TMEM132B: variants seen among roughly 807,000 people sequenced by gnomAD.
TMEM132B encodes transmembrane protein 132B.
In TMEM132B, 18 loss-of-function variants were observed where a neutral mutation model predicts 90.8. The ratio of observed to expected loss-of-function variants is 0.20; its 90% CI spans 0.14 to 0.29. TMEM132B has a LOEUF of 0.29. Among genes scored for constraint, TMEM132B ranks in the 10% least tolerant of loss-of-function variants. TMEM132B has a pLI of 1.00. For missense variants in TMEM132B, 1,096 were observed against 1,326.8 expected (o/e 0.83, Z 2.70); for synonymous variants, 504 against 523.3 (o/e 0.96, Z 0.50).
At chr12:125,288,369 A>G (rs1043597552) in intron 1 of TMEM132B, among the ~76,000 whole-genome samples, 2 of 149,798 alleles carry the variant, frequency 1.3e-5, no homozygotes, top group African/African-American at 2.4e-5. Flanking sequence ...AGGCTGAGGC[A>G]GGAGAATAGC....
chr12:125,562,412 C>A (rs1884555496), intron 4 of TMEM132B, among the ~76,000 whole-genome samples: 4 of 152,210 alleles, frequency 2.6e-5, no homozygotes, highest in Non-Finnish European at 5.9e-5. Context: ...TTCTGATTCC[C>A]TTCAGAAACT....
intron 5 of TMEM132B, among the ~76,000 whole-genome samples, chr12:125,636,298 G>C (rs1886477350): frequency 1.3e-5 from 2 of 151,420 alleles, no homozygotes; most frequent in Admixed American, 1.3e-4. Context: ...AATTCCTTTA[G>C]TGATTCCTTG....
In TMEM132B at chr12:125,415,770, C is replaced by T. The variant is rs989869130; in HGVS notation, c.1106+93C>T. 19 of 1,459,544 alleles carry T rather than the reference C, an allele frequency of 1.3e-5. No homozygotes were observed. Among genetic ancestry groups the T allele is most frequent in the African/African-American group, 2.8e-5 (2 of 70,558 alleles). 90.4% of individuals were successfully genotyped at this position (1,459,544 alleles called of 1,614,324 possible). On this transcript the variant is annotated intron_variant, in intron 3 of 8. Coordinates refer to ENST00000682704, the MANE Select transcript of TMEM132B (RefSeq NM_001366854.1). The surrounding 1 kb of genome is among the most constrained non-coding windows in gnomAD (Gnocchi z 5.3). ...CAAAATAATGTGCGTGTGGATAAAG[C>T]GATGCCTCTGCGTTTAATGAGAAAT...
chr12:125,245,837 GTGTCCCAGGCT>G (rs547417237), intron 1 of TMEM132B, among the ~76,000 whole-genome samples: 72 of 152,212 alleles, frequency 4.7e-4, no homozygotes, highest in African/African-American at 1.5e-3. Flanking sequence ...ATCCTTGCAG[GTGTCCCAGGCT>G]TGTCCCACTA....
intron 2 of TMEM132B, among the ~76,000 whole-genome samples, chr12:125,361,403 C>G (rs571978372): frequency 3.3e-5 from 5 of 152,264 alleles, no homozygotes; most frequent in African/African-American, 1.2e-4. Context: ...TCCCCCATTT[C>G]AAAGGTTAAT....
intron 1 of TMEM132B, among the ~76,000 whole-genome samples, chr12:125,283,793 G>GTCT (rs1875268381): frequency 6.6e-6 from 1 of 152,244 alleles, no homozygotes; most frequent in African/African-American, 2.4e-5. Flanking sequence ...CTGTTGGTCT[G>GTCT]TCTGCCACTC....
At chr12:125,363,734 TAGAA>T (rs1490412227) in intron 2 of TMEM132B, among the ~76,000 whole-genome samples, 2 of 152,130 alleles carry the variant, frequency 1.3e-5, no homozygotes, top group East Asian at 3.9e-4. Context: ...AACTGAGGCT[TAGAA>T]AGATAAGTGA....
intron 1 of TMEM132B, among the ~76,000 whole-genome samples, chr12:125,208,029 G>C (rs1412178676): frequency 6.6e-5 from 10 of 152,170 alleles, no homozygotes; most frequent in Non-Finnish European, 2.9e-5. Flanking sequence ...TACTGTGTTG[G>C]ACAATGTGGG....
intron 5 of TMEM132B, among the ~76,000 whole-genome samples, chr12:125,628,013 ATAG>A (rs566841721): frequency 9.2e-4 from 140 of 152,332 alleles, no homozygotes; most frequent in Non-Finnish European, 1.6e-3. Context: ...TTATAGCTGA[ATAG>A]TACTCCATTG....
At chr12:125,487,656 G>A (rs367821453) in intron 3 of TMEM132B, among the ~76,000 whole-genome samples, 2 of 152,162 alleles carry the variant, frequency 1.3e-5, no homozygotes, top group Non-Finnish European at 2.9e-5. Flanking sequence ...CATTTCATCC[G>A]TCAGGCTGCA....
At chr12:125,244,908 C>T (rs1244527697) in intron 1 of TMEM132B, among the ~76,000 whole-genome samples, 1 of 152,178 alleles carries the variant, frequency 6.6e-6, no homozygotes, top group Admixed American at 6.5e-5. Context: ...CCTGCCCCCA[C>T]CATCTGCGTG....
intron 4 of TMEM132B, among the ~76,000 whole-genome samples, chr12:125,583,299 G>A (rs987176304): frequency 3.9e-5 from 6 of 152,154 alleles, no homozygotes; most frequent in African/African-American, 1.2e-4. Context: ...GGGTTTGGAG[G>A]GAGATCTCTG....
chr12:125,391,196 G>C (rs1477967956), intron 2 of TMEM132B, among the ~76,000 whole-genome samples: 1 of 152,170 alleles, frequency 6.6e-6, no homozygotes, highest in East Asian at 1.9e-4. Flanking sequence ...AAACTCCTCA[G>C]AGAATGCCTT....
At chr12:125,541,974 G>GAGATC (rs1449906473) in intron 4 of TMEM132B, among the ~76,000 whole-genome samples, 3 of 136,262 alleles carry the variant, frequency 2.2e-5, no homozygotes, top group African/African-American at 8.2e-5. Context: ...GCAGTGAGCT[G>GAGATC]AGATCGCACC....
intron 1 of TMEM132B, among the ~76,000 whole-genome samples, chr12:125,317,171 C>T (rs111406395): frequency 6.6e-6 from 1 of 151,036 alleles, no homozygotes; most frequent in African/African-American, 2.4e-5. Context: ...CTTCCCCTCT[C>T]TGTGCCTCAG....
At position 125,415,159 on chromosome 12, in the gene TMEM132B, A is replaced by T. The variant is rs1879974106; in HGVS notation, c.960-372A>T. On this transcript the variant is annotated intron_variant, in intron 2 of 8. Transcript: ENST00000682704. The surrounding 1 kb of genome is among the most constrained non-coding windows in gnomAD (Gnocchi z 5.3). ...GCACAACCCACCCCGCATCTTAAAG[A>T]CTCTTCTCCATCTCCAGGTGAAGAA... Among the ~76,000 whole-genome samples the T allele has an allele frequency of 6.6e-6, 1 of 151,116 alleles. No homozygotes were observed. Among genetic ancestry groups the T allele is most frequent in the South Asian group, 2.1e-4 (1 of 4,752 alleles).
intron 1 of TMEM132B, among the ~76,000 whole-genome samples, chr12:125,317,889 C>T (rs562473419): frequency 6.6e-6 from 1 of 152,292 alleles, no homozygotes; most frequent in South Asian, 2.1e-4. Flanking sequence ...AATATAAACA[C>T]GAAGACGTGT....
At chr12:125,548,742 G>T (rs911615271) in intron 4 of TMEM132B, among the ~76,000 whole-genome samples, 1 of 152,206 alleles carries the variant, frequency 6.6e-6, no homozygotes, top group Non-Finnish European at 1.5e-5. Flanking sequence ...GAGCAGAGGA[G>T]TTGACATGGT....
chr12:125,354,935 T>C (rs1877718723), intron 2 of TMEM132B, among the ~76,000 whole-genome samples: 1 of 152,134 alleles, frequency 6.6e-6, no homozygotes, highest in Admixed American at 6.5e-5. Flanking sequence ...CACGTCCATG[T>C]TATGGATATG....
Sources: gnomAD v4.1 joint callset for allele counts (sites outside exome capture counted in the v4.1 genomes callset) on GRCh38, gnomAD v4.1.1 for gene constraint, Gnocchi (gnomAD v3.1) non-coding constraint, MANE v1.5 for transcripts, NCBI Gene and HGNC (gene_info 2026-07-23, HGNC 2026-07-21) for gene names.